ACACB: variants seen among roughly 807,000 people sequenced by gnomAD.
The protein encoded by ACACB is acetyl-CoA carboxylase beta.
Under a neutral mutation model 278.8 loss-of-function variants are expected in ACACB, and 209 were observed. The observed-to-expected ratio is 0.75, with a 90% CI of 0.67 to 0.84. The LOEUF (loss-of-function observed/expected upper bound fraction) is 0.84, where lower values mean the gene tolerates loss of function less well. ACACB is among the 40% of genes least tolerant of loss of function. The pLI, the probability that ACACB is intolerant of heterozygous loss-of-function variation, is 0.00. For synonymous variants in ACACB, 1,174 were observed against 1,285.6 expected, an observed-to-expected ratio of 0.91 and a Z score of 1.86; for missense variants, 2,850 against 3,269.0, an observed-to-expected ratio of 0.87 and a Z score of 3.13.
intron 2 of ACACB, chr12:109,154,772 T>C (rs1266929804): frequency 6.5e-6 from 1 of 152,714 alleles, no homozygotes; most frequent in African/African-American, 2.4e-5. Flanking sequence ...CATCTCGGCC[T>C]CCGGGTCGCG....
Position 109,265,409 on chromosome 12 carries a change from C to A in ACACB, c.7134C>A (p.Asn2378Lys). ...GAVKAYLWDN[N>K]QVVVQWLEQH... ...CCCAGGCCTACTTGTGGGACAACAA[C>A]CAGGTGGTTGTGCAGTGGCTGGAAC... The change falls in exon 52 of 53, where the codon AAC becomes AAA. Residue 2378 changes from asparagine to lysine, a missense_variant. Physicochemically the swap from Asn to Lys is moderately conservative, Grantham distance 94. Around this residue, in one of 3 missense-constraint regions of ACACB, gnomAD observed 579 missense variants for 684.6 expected, o/e 0.85. Transcript: ENST00000338432. 6.2e-7 allele frequency: 1 copy of A among 1,613,928 alleles called. No individual in the cohort carries two copies. The highest frequency in any genetic ancestry group is 8.5e-7 in the Non-Finnish European group (1 of 1,179,980).
intron 13 of ACACB, 67 bp downstream of exon 13, chr12:109,188,229 CCT>C: frequency 5.0e-6 from 7 of 1,413,738 alleles, no homozygotes; most frequent in African/African-American, 1.6e-5. Context: ...TTCCTTCCTT[CCT>C]TCCCTCTCTC....
At chr12:109,137,131 C>T (rs2042983446) in intron 1 of ACACB, among the ~76,000 whole-genome samples, 1 of 151,944 alleles carries the variant, frequency 6.6e-6, no homozygotes, top group Admixed American at 6.6e-5. Context: ...ATTAATGTGG[C>T]ATGTTACATT....
At chr12:109,140,344 TTCCTTC>T (rs2043091786) in intron 2 of ACACB, among the ~76,000 whole-genome samples, 1 of 95,942 alleles carries the variant, frequency 1.0e-5, no homozygotes, top group East Asian at 6.1e-4. Context: ...CCTTCCTTCC[TTCCTTC>T]CCTCCTTTCA....
chr12:109,209,949 G>GTATATA, intron 21 of ACACB, among the ~76,000 whole-genome samples: 1 of 66,500 alleles, frequency 1.5e-5, no homozygotes, highest in South Asian at 4.2e-4. Flanking sequence ...ACACACACGT[G>GTATATA]TGTGTATATA....
intron 13 of ACACB, among the ~76,000 whole-genome samples, chr12:109,191,034 A>C (rs949122846): frequency 2.6e-5 from 4 of 152,140 alleles, no homozygotes; most frequent in African/African-American, 9.7e-5. Flanking sequence ...TGTGCATTAC[A>C]TGGATTGTCT....
At chr12:109,171,723 T>C (rs12821387) in intron 4 of ACACB, 82 bp from the exon 5 acceptor site, 213,569 of 1,034,248 alleles carry the variant, frequency 0.21, 25,001 homozygotes, top group East Asian at 0.51. Context: ...TCCATGGCTG[T>C]ACATAGTCAC....
At chr12:109,264,070 T>C in intron 49 of ACACB, 162 bp from the exon 50 acceptor site, 2 of 858,074 alleles carry the variant, frequency 2.3e-6, no homozygotes, top group Non-Finnish European at 3.6e-6. Flanking sequence ...GCAGCCTGTG[T>C]AGCAGCAGGG....
chr12:109,119,487 G>T (rs1214379385), intron 1 of ACACB, among the ~76,000 whole-genome samples: 1 of 152,026 alleles, frequency 6.6e-6, no homozygotes, highest in African/African-American at 2.4e-5. Flanking sequence ...CGACTTGGGA[G>T]GCTGAGGTAG....
rs746447307 is a variant in ACACB, at chr12:109,191,764, G to A, written c.2295+1G>A. The A allele has an allele frequency of 5.0e-5, 80 of 1,614,028 alleles. 1 individual carries two copies. In the South Asian group the frequency reaches 8.1e-4, roughly 16 times the overall value. On this transcript the variant is annotated splice_donor_variant, in intron 14 of 52. Coordinates refer to ENST00000338432, the MANE Select transcript of ACACB (RefSeq NM_001093.4). LOFTEE classifies it high-confidence loss of function. ...CTACCTCATTGCTGAGAAAGTGCAG[G>A]TAGGGAGTGAGCTGCCTGTGTCTCC...
chr12:109,220,356 T>G (rs1305067767), intron 24 of ACACB, among the ~76,000 whole-genome samples: 1 of 152,172 alleles, frequency 6.6e-6, no homozygotes, highest in Non-Finnish European at 1.5e-5. Flanking sequence ...GACTTGTGAA[T>G]TGAATGATTA....
chr12:109,206,922 A>G, intron 20 of ACACB, 66 bp downstream of exon 20: 1 of 1,554,166 alleles, frequency 6.4e-7, no homozygotes, highest in Admixed American at 1.7e-5. Flanking sequence ...ACCCCGTGAC[A>G]GCAGAGGTCA....
At chr12:109,177,830 T>G (rs764270166) in intron 9 of ACACB, among the ~76,000 whole-genome samples, 1 of 152,152 alleles carries the variant, frequency 6.6e-6, no homozygotes, top group African/African-American at 2.4e-5. Flanking sequence ...ATTTTAAAGC[T>G]TTTTTGCTTT....
chr12:109,212,336 T>C (rs1288045351), intron 21 of ACACB, among the ~76,000 whole-genome samples: 1 of 152,132 alleles, frequency 6.6e-6, no homozygotes, highest in East Asian at 1.9e-4. Context: ...TTCGGGATGA[T>C]TCAAGCACGT....
chr12:109,261,661 A>T (rs866743748), intron 48 of ACACB, among the ~76,000 whole-genome samples: 1 of 152,156 alleles, frequency 6.6e-6, no homozygotes, highest in Non-Finnish European at 1.5e-5. Flanking sequence ...ACTTGAGGCC[A>T]GGAGTTCAAG....
intron 9 of ACACB, 66 bp downstream of exon 9, chr12:109,176,329 T>A: frequency 7.3e-7 from 1 of 1,363,860 alleles, no homozygotes; most frequent in Non-Finnish European, 1.0e-6. Context: ...TGCCAGATTA[T>A]TTCTCTTAGC....
At chr12:109,122,153 G>A (rs1394501888) in intron 1 of ACACB, among the ~76,000 whole-genome samples, 2 of 152,218 alleles carry the variant, frequency 1.3e-5, no homozygotes, top group African/African-American at 4.8e-5. Flanking sequence ...GGAAAGGGGT[G>A]CAGTGAGCAA....
At chr12:109,185,820 A>G in intron 12 of ACACB, 80 bp downstream of exon 12, 1 of 1,416,584 alleles carries the variant, frequency 7.1e-7, no homozygotes, top group Non-Finnish European at 9.5e-7. Flanking sequence ...GCCTGGGAAG[A>G]GACACCCACA....
At chr12:109,179,481 C>T (rs2136220501) in intron 10 of ACACB, 184 bp downstream of exon 10, 3 of 649,618 alleles carry the variant, frequency 4.6e-6, no homozygotes, top group Non-Finnish European at 7.9e-6. Flanking sequence ...TCTGTGAACT[C>T]CCCAAATATT....
Sources: gnomAD v4.1 joint callset for allele counts (sites outside exome capture counted in the v4.1 genomes callset) on GRCh38, gnomAD v4.1.1 for gene constraint, gnomAD v4.1.1 regional missense constraint, MANE v1.5 for transcripts, NCBI Gene and HGNC (gene_info 2026-07-23, HGNC 2026-07-21) for gene names.